PRKN: variants seen among roughly 807,000 people sequenced by gnomAD.
PRKN encodes the protein E3 ubiquitin-protein ligase parkin.
A neutral mutation model predicts 59.5 loss-of-function variants in PRKN; 56 were observed. The observed-to-expected ratio is 0.94, with a 90% CI of 0.76 to 1.18. The LOEUF is 1.18. Among genes scored for constraint, PRKN ranks in the 50% most tolerant of loss-of-function variants. The pLI is 0.00. For synonymous variants in PRKN, 250 were observed against 222.1 expected (o/e 1.13, Z -1.12); for missense variants, 657 against 596.4 (o/e 1.10, Z -1.06).
chr6:162,238,095 C>T (rs947869162), intron 3 of PRKN, among the ~76,000 whole-genome samples: 2 of 152,172 alleles, frequency 1.3e-5, no homozygotes, highest in Non-Finnish European at 2.9e-5. Flanking sequence ...CATACTTTGC[C>T]ATATGGCTTG....
At chr6:161,489,053 C>A (rs552349381) in intron 9 of PRKN, among the ~76,000 whole-genome samples, 2 of 152,096 alleles carry the variant, frequency 1.3e-5, no homozygotes, top group Non-Finnish European at 2.9e-5. Context: ...AGAATTCTCA[C>A]AATACTTTTT....
At chr6:161,585,329 G>A (rs1460342174) in intron 7 of PRKN, among the ~76,000 whole-genome samples, 1 of 152,206 alleles carries the variant, frequency 6.6e-6, no homozygotes, top group Non-Finnish European at 1.5e-5. Context: ...GCTTAGCTGT[G>A]TATTATGGCT....
Position 162,647,947 on chromosome 6 carries a change from TGCAAAAAAA to T in PRKN, c.7+79706_7+79714del, listed in dbSNP as rs1353803101. ...TAGAACCATCTCTATATGTCCACAGTGCAAAAAAAAAAAAAAAAAAAAAAAAAAAAGTCT... is the reference window on the plus strand; with the variant it reads ...TAGAACCATCTCTATATGTCCACAGTAAAAAAAAAAAAAAAAAAAAAGTCT... On this transcript the variant is annotated intron_variant, in intron 1 of 11. Transcript: ENST00000366898. Among the ~76,000 whole-genome samples, 148 of 15,552 alleles carry T rather than the reference TGCAAAAAAA, an allele frequency of 9.5e-3. 3 individuals are homozygous for T. Among genetic ancestry groups the T allele is most frequent in the East Asian group, 0.043 (40 of 940 alleles). 10.2% of individuals were successfully genotyped at this position (15,552 alleles called of 152,430 possible). A position where few individuals can be genotyped will look rare whatever the true frequency, so the allele number is the denominator to read the frequency against.
intron 1 of PRKN, among the ~76,000 whole-genome samples, chr6:162,474,171 T>C (rs1256519450): frequency 2.6e-5 from 4 of 152,144 alleles, no homozygotes; most frequent in Non-Finnish European, 5.9e-5. Flanking sequence ...TTACATAACA[T>C]AGTACCATAG....
intron 5 of PRKN, among the ~76,000 whole-genome samples, chr6:162,033,413 A>G (rs1783715025): frequency 6.6e-6 from 1 of 152,242 alleles, no homozygotes; most frequent in Non-Finnish European, 1.5e-5. Flanking sequence ...CCATTGGTCA[A>G]CTATCATAAT....
intron 2 of PRKN, among the ~76,000 whole-genome samples, chr6:162,382,849 G>A (rs1035148556): frequency 3.9e-5 from 6 of 152,158 alleles, no homozygotes; most frequent in African/African-American, 1.4e-4. Context: ...GCTAAGTTAT[G>A]CAGTATCTAA....
At chr6:162,047,288 C>CA (rs1784289486) in intron 5 of PRKN, among the ~76,000 whole-genome samples, 1 of 152,078 alleles carries the variant, frequency 6.6e-6, no homozygotes, top group East Asian at 1.9e-4. Flanking sequence ...TTTAAGTGTC[C>CA]AGCTGCTCTT....
At chr6:161,583,976 C>T (rs1781436966) in intron 7 of PRKN, among the ~76,000 whole-genome samples, 2 of 152,176 alleles carry the variant, frequency 1.3e-5, no homozygotes, top group Non-Finnish European at 2.9e-5. Context: ...TTTAACATTT[C>T]CATCATTCCT....
intron 7 of PRKN, among the ~76,000 whole-genome samples, chr6:161,679,174 A>G (rs1051621822): frequency 3.9e-5 from 6 of 152,228 alleles, no homozygotes; most frequent in African/African-American, 1.4e-4. Context: ...TTTCAGGAGC[A>G]TCGCCAAGTG....
chr6:161,757,885 A>C (rs1789010488), intron 7 of PRKN, among the ~76,000 whole-genome samples: 1 of 36,670 alleles, frequency 2.7e-5, no homozygotes, highest in African/African-American at 1.0e-4. Context: ...GTATATATAT[A>C]TACACACACA....
At chr6:162,011,233 ATAATTTAT>A (rs1782657692) in intron 5 of PRKN, among the ~76,000 whole-genome samples, 1 of 10,234 alleles carries the variant, frequency 9.8e-5, no homozygotes, top group African/African-American at 3.9e-4. Flanking sequence ...TTTATAATAT[ATAATTTAT>A]AATATATATA....
intron 3 of PRKN, among the ~76,000 whole-genome samples, chr6:162,204,388 C>A (rs1018486557): frequency 6.6e-6 from 1 of 152,178 alleles, no homozygotes; most frequent in Non-Finnish European, 1.5e-5. Context: ...AAGCACAGGA[C>A]ATCTCAAACT....
intron 2 of PRKN, among the ~76,000 whole-genome samples, chr6:162,325,440 G>A (rs1783226700): frequency 6.6e-6 from 1 of 152,050 alleles, no homozygotes; most frequent in Admixed American, 6.6e-5. Context: ...AATGTCAATG[G>A]CTCACTAGTG....
chr6:161,981,335 T>G (rs938012393), intron 5 of PRKN, among the ~76,000 whole-genome samples: 1 of 152,182 alleles, frequency 6.6e-6, no homozygotes, highest in South Asian at 2.1e-4. Context: ...TTCCTATCCA[T>G]GCAGAGGTTT....
intron 9 of PRKN, among the ~76,000 whole-genome samples, chr6:161,437,820 G>A (rs956624487): frequency 5.3e-5 from 8 of 152,126 alleles, no homozygotes; most frequent in Non-Finnish European, 7.3e-5. Flanking sequence ...TAAGCATAAC[G>A]TAGTCAAAGG....
At chr6:162,128,669 T>C (rs1781221558) in intron 4 of PRKN, among the ~76,000 whole-genome samples, 2 of 152,168 alleles carry the variant, frequency 1.3e-5, no homozygotes, top group South Asian at 2.1e-4. Flanking sequence ...AAAATTTATA[T>C]ATGGAAACCT....
rs117828575 is a variant in PRKN at position 161,549,145 on chromosome 6, G to T, written c.934-142C>A. 4 of 856,630 alleles carry T rather than the reference G, an allele frequency of 4.7e-6. No homozygotes were observed. The highest frequency in any genetic ancestry group is 2.3e-4 in the Middle Eastern group (1 of 4,368). The allele number at this position is 856,630 out of a possible 1,614,324, so 53.1% of individuals were successfully genotyped here. On this transcript the variant is annotated intron_variant, in intron 8 of 11. Coordinates refer to ENST00000366898, the MANE Select transcript of PRKN (RefSeq NM_004562.3). The surrounding 1 kb of genome is among the most constrained non-coding windows in gnomAD (Gnocchi z 6.0). ...GTGTGTGTGTGTGTGTGTGTGTAGG[G>T]GGAGGGAGAGGGCCACGGGGTTGAT...
At position 161,457,999 on chromosome 6, in the gene PRKN, G is replaced by A. The variant is rs1038823979; in HGVS notation, c.1084-71122C>T. Among the ~76,000 whole-genome samples, 1 of 152,152 alleles carries A rather than the reference G, an allele frequency of 6.6e-6. No homozygotes were observed. Among genetic ancestry groups the A allele is most frequent in the Non-Finnish European group, 1.5e-5 (1 of 68,022 alleles). On this transcript the variant is annotated intron_variant, in intron 9 of 11. Transcript: ENST00000366898. This position sits in a 1 kb window ranked among gnomAD's most constrained non-coding sequence, Gnocchi z 5.0. ...CTGAACTGTCATGCAGACAATGACC[G>A]CCTTCTGATTTACTTGGGCTGCTCA...
chr6:162,153,354 C>A (rs1329155001), intron 4 of PRKN, among the ~76,000 whole-genome samples: 3 of 152,050 alleles, frequency 2.0e-5, no homozygotes, highest in African/African-American at 7.2e-5. Context: ...CCAGCAGGAG[C>A]AAATCATGTG....
Sources: allele counts gnomAD v4.1 joint callset (sites outside exome capture counted in the v4.1 genomes callset), GRCh38; gene constraint gnomAD v4.1.1; non-coding constraint Gnocchi (gnomAD v3.1); transcripts MANE v1.5; gene names NCBI Gene and HGNC (gene_info 2026-07-23, HGNC 2026-07-21).